LINGO1: variants seen among roughly 807,000 people sequenced by gnomAD.
LINGO1 encodes leucine-rich repeat and immunoglobulin-like domain-containing nogo receptor-interacting protein 1.
A neutral mutation model predicts 37.3 loss-of-function variants in LINGO1; 11 were observed. The ratio of observed to expected loss-of-function variants is 0.29; its 90% CI spans 0.19 to 0.49. LINGO1 has a LOEUF of 0.49. Among genes scored for constraint, LINGO1 ranks in the 20% least tolerant of loss-of-function variants. The pLI, the probability that LINGO1 is intolerant of heterozygous loss-of-function variation, is 0.99. For synonymous variants in LINGO1, 387 were observed against 403.0 expected, an observed-to-expected ratio of 0.96 and a Z score of 0.48; for missense variants, 585 against 878.2, an observed-to-expected ratio of 0.67 and a Z score of 4.22.
chr15:77,733,069 T>C (rs2076169113), intron 2 of LINGO1, among the ~76,000 whole-genome samples: 2 of 152,124 alleles, frequency 1.3e-5, no homozygotes, highest in Admixed American at 1.3e-4. Flanking sequence ...CCCTCCTTCC[T>C]GTTTCCAGTC....
chr15:77,777,692 C>T (rs554078237), intron 1 of LINGO1, among the ~76,000 whole-genome samples: 55 of 152,166 alleles, frequency 3.6e-4, no homozygotes, highest in African/African-American at 1.2e-3. Flanking sequence ...TTTGGGAGCC[C>T]GCGGCAGGAG....
upstream of LINGO1, chr15:77,696,532 G>T (rs911911268): frequency 6.6e-6 from 1 of 152,452 alleles, no homozygotes; most frequent in African/African-American, 2.4e-5. Context: ...GGGTGAGCGC[G>T]AAGCTGGCAT....
rs573295651 is a variant in LINGO1, at chr15:77,694,985, ACT to A, written c.-281+1404_-281+1405del. On this transcript the variant is annotated intron_variant, in intron 1 of 3. Transcript: ENST00000559893. ...ACTGGCACTACATCATACACTGAAC[ACT>A]CGGGATAATCTTTTTTTTTTAATTT... Among the ~76,000 whole-genome samples, 220 of 149,042 alleles carry A rather than the reference ACT, an allele frequency of 1.5e-3. 3 individuals carry two copies. Among genetic ancestry groups the A allele is most frequent in the African/African-American group, 5.3e-3 (217 of 40,728 alleles).
chr15:77,786,460 C>T (rs953374623), intron 1 of LINGO1, among the ~76,000 whole-genome samples: 1 of 152,088 alleles, frequency 6.6e-6, no homozygotes, highest in African/African-American at 2.4e-5. Context: ...CTGGATGGTC[C>T]CCAACCCCAG....
chr15:77,784,245 T>C (rs2076750080), intron 1 of LINGO1, among the ~76,000 whole-genome samples: 1 of 152,188 alleles, frequency 6.6e-6, no homozygotes, highest in Admixed American at 6.5e-5. Context: ...TTCCCCACCC[T>C]AGCCAAAGGC....
At chr15:77,805,584 G>A (rs1254114392) in intron 1 of LINGO1, among the ~76,000 whole-genome samples, 1 of 152,154 alleles carries the variant, frequency 6.6e-6, no homozygotes, top group African/African-American at 2.4e-5. Flanking sequence ...TGTGGCTGTG[G>A]AGCAAGGGCA....
rs774565758 is a variant in LINGO1 at position 77,614,702 on chromosome 15, A to G, written c.1205T>C (p.Val402Ala). The G allele has an allele frequency of 2.5e-6, 4 of 1,610,432 alleles. No homozygotes were observed. The highest frequency in any genetic ancestry group is 3.4e-6 in the Non-Finnish European group (4 of 1,178,386). Residue 402 changes from valine to alanine, a missense_variant, in exon 2 of 2, where the codon GTC becomes GCC. Physicochemically the swap from Val to Ala is moderately conservative, Grantham distance 64. This residue lies in a region of LINGO1 where 484 missense variants were observed against 735.0 expected (regional missense o/e 0.66). Transcript: ENST00000355300. The stretch of plus-strand genomic sequence containing the variant: ...GAAGTCCTTGAACTCCTTGCCCTGG[A>G]CAAACTCGGGCGTGGCGCACGTGGG... ...QQPTCATPEFVQGKEFKDFPD... is the reference protein window; with the variant it reads ...QQPTCATPEFAQGKEFKDFPD...
chr15:77,773,739 T>C (rs2076608924), intron 1 of LINGO1, among the ~76,000 whole-genome samples: 1 of 152,064 alleles, frequency 6.6e-6, no homozygotes, highest in South Asian at 2.1e-4. Context: ...GCCGTGAAGA[T>C]TTTAAGCATA....
chr15:77,746,636 G>A (rs2076317457), intron 1 of LINGO1, among the ~76,000 whole-genome samples: 1 of 152,066 alleles, frequency 6.6e-6, no homozygotes. Flanking sequence ...AGCCCTGCCT[G>A]GAGGATAACA....
At position 77,705,249 on chromosome 15, in the gene LINGO1, C is replaced by T. The variant is rs1465191172; in HGVS notation, c.-194-14348G>A. On this transcript the variant is annotated intron_variant, in intron 2 of 3. Transcript: ENST00000561686. ...CCTGGACCTTGCTTTCCAGGTTCCC[C>T]GACCAGTTTTATTCCCTGACCACAA... is the stretch of plus-strand genomic sequence containing the variant. Among the ~76,000 whole-genome samples the T allele has an allele frequency of 8.0e-5, 12 of 150,858 alleles. No homozygotes were observed. The South Asian group carries it at 2.3e-3, about 29-fold the overall frequency.
chr15:77,680,223 AG>A (rs1234837220), intron 2 of LINGO1, among the ~76,000 whole-genome samples: 3 of 152,228 alleles, frequency 2.0e-5, no homozygotes, highest in African/African-American at 7.2e-5. Context: ...TGTGTGGACC[AG>A]AGCTCCACTA....
At chr15:77,681,660 G>C (rs1364627157) in intron 2 of LINGO1, among the ~76,000 whole-genome samples, 1 of 152,160 alleles carries the variant, frequency 6.6e-6, no homozygotes, top group South Asian at 2.1e-4. Flanking sequence ...AAGGGTGTGG[G>C]GGGGCTGAAA....
At chr15:77,788,304 T>C (rs560213257), upstream of LINGO1, 1 of 152,342 alleles carries the variant, frequency 6.6e-6, no homozygotes, top group South Asian at 2.1e-4. Flanking sequence ...CACTCATATT[T>C]ATCAGGCATT....
rs549751844 is a variant in LINGO1 at position 77,794,326 on chromosome 15, A to G, written c.-343+1613T>C. 2.5e-4 allele frequency among the ~76,000 whole-genome samples: 32 copies of G among 129,516 alleles called. 3 individuals carry two copies. The highest frequency in any genetic ancestry group is 7.0e-4 in the East Asian group (3 of 4,260). The allele number at this position is 129,516 out of a possible 152,430, so 85.0% of individuals were successfully genotyped here. A position where few individuals can be genotyped will look rare whatever the true frequency, so the allele number is the denominator to read the frequency against. ...TATACATATATGTGTATATACATACATATATGTATATACATACATATATAC... is the reference window on the plus strand; with the variant it reads ...TATACATATATGTGTATATACATACGTATATGTATATACATACATATATAC... On this transcript the variant is annotated intron_variant, in intron 2 of 5. Transcript: ENST00000562933.
At position 77,614,035 on chromosome 15, in the gene LINGO1, G is replaced by A. The variant is rs374364983; in HGVS notation, c.*9C>T. 25 of 1,557,452 alleles carry A rather than the reference G, an allele frequency of 1.6e-5. No individual in the cohort carries two copies. Among genetic ancestry groups the A allele is most frequent in the East Asian group, 2.4e-5 (1 of 41,404 alleles). The stretch of plus-strand genomic sequence containing the variant: ...GGCCGCCCGGGGGTCCCTGCCCCCC[G>A]CCCCGGCCTCATATCATCTTCATGT... On this transcript the variant is annotated 3_prime_UTR_variant, in exon 2 of 2. Coordinates refer to ENST00000355300, the MANE Select transcript of LINGO1 (RefSeq NM_032808.7).
At chr15:77,667,492 C>T (rs1403096643) in intron 3 of LINGO1, among the ~76,000 whole-genome samples, 1 of 152,126 alleles carries the variant, frequency 6.6e-6, no homozygotes, top group African/African-American at 2.4e-5. Context: ...GGACTGGGCT[C>T]GAGGACAGCA....
At chr15:77,664,079 G>A (rs1358905886) in intron 3 of LINGO1, among the ~76,000 whole-genome samples, 1 of 152,070 alleles carries the variant, frequency 6.6e-6, no homozygotes, top group African/African-American at 2.4e-5. Context: ...CCTTCCCTGG[G>A]AGACTGACCC....
chr15:77,706,351 G>A (rs2075852536), intron 2 of LINGO1, among the ~76,000 whole-genome samples: 1 of 152,164 alleles, frequency 6.6e-6, no homozygotes, highest in African/African-American at 2.4e-5. Context: ...GTGTCCCTCT[G>A]CTCTTCATCC....
At chr15:77,649,110 A>C (rs2074701685) in intron 3 of LINGO1, 1 of 152,250 alleles carries the variant, frequency 6.6e-6, no homozygotes, top group Non-Finnish European at 1.5e-5. Flanking sequence ...GATCATCTGG[A>C]CTAGACGTGG....
Sources: allele counts gnomAD v4.1 joint callset (sites outside exome capture counted in the v4.1 genomes callset), GRCh38; gene constraint gnomAD v4.1.1; regional missense constraint gnomAD v4.1.1; transcripts MANE v1.5; gene names NCBI Gene and HGNC (gene_info 2026-07-23, HGNC 2026-07-21).